Variants in STX6 observed in about 807,000 individuals in gnomAD.
The protein encoded by STX6 is syntaxin-6.
In STX6, 23 loss-of-function variants were observed where a neutral mutation model predicts 38.0. The ratio of observed to expected loss-of-function variants is 0.60; its 90% CI spans 0.43 to 0.86. The LOEUF (loss-of-function observed/expected upper bound fraction) is 0.86. STX6 is among the 40% of genes least tolerant of loss of function. STX6 has a pLI of 0.00. For missense variants in STX6, 274 were observed against 312.9 expected (o/e 0.88, Z 0.94); for synonymous variants, 123 against 107.5 (o/e 1.14, Z -0.89).
intron 7 of STX6, among the ~76,000 whole-genome samples, chr1:180,984,319 G>A (rs1299719051): frequency 1.3e-5 from 2 of 152,066 alleles, no homozygotes; most frequent in Non-Finnish European, 2.9e-5. Context: ...GCTGACACGG[G>A]CGGATCACCT....
intron 7 of STX6, among the ~76,000 whole-genome samples, chr1:180,976,871 C>G (rs1214187227): frequency 6.6e-6 from 1 of 152,132 alleles, no homozygotes; most frequent in Non-Finnish European, 1.5e-5. Flanking sequence ...GAAAATGTCT[C>G]GTAATAATTA....
At chr1:181,010,404 C>T (rs764383177) in intron 1 of STX6, among the ~76,000 whole-genome samples, 2 of 152,154 alleles carry the variant, frequency 1.3e-5, no homozygotes, top group South Asian at 2.1e-4. Context: ...CGGGTTCAAT[C>T]GATTCTCCTG....
At chr1:180,981,416 G>A (rs1444914512) in intron 7 of STX6, among the ~76,000 whole-genome samples, 2 of 152,082 alleles carry the variant, frequency 1.3e-5, no homozygotes, top group African/African-American at 2.4e-5. Context: ...GATTAGTTGC[G>A]ATTCTTTCAG....
intron 1 of STX6, among the ~76,000 whole-genome samples, chr1:181,010,506 T>A (rs919462880): frequency 5.9e-5 from 9 of 152,154 alleles, no homozygotes; most frequent in African/African-American, 2.2e-4. Flanking sequence ...TTCACTATGT[T>A]GGCCAGGCTG....
chr1:180,985,159 G>A (rs534958895), intron 6 of STX6, among the ~76,000 whole-genome samples: 3 of 151,978 alleles, frequency 2.0e-5, no homozygotes, highest in South Asian at 2.1e-4. Context: ...AAAAAACAAC[G>A]AGATTTCTTT....
At chr1:181,009,852 T>TA (rs1656342548) in intron 1 of STX6, among the ~76,000 whole-genome samples, 1 of 152,222 alleles carries the variant, frequency 6.6e-6, no homozygotes, top group Non-Finnish European at 1.5e-5. Flanking sequence ...AATGAGTGGA[T>TA]AAACTGTAGT....
At chr1:181,004,977 T>C (rs1656184697) in intron 2 of STX6, among the ~76,000 whole-genome samples, 1 of 150,936 alleles carries the variant, frequency 6.6e-6, no homozygotes, top group Non-Finnish European at 1.5e-5. Flanking sequence ...TTTTTTTTTT[T>C]TCCCTTTACA....
At chr1:181,009,117 A>T (rs1043098760) in intron 1 of STX6, among the ~76,000 whole-genome samples, 2 of 152,210 alleles carry the variant, frequency 1.3e-5, no homozygotes, top group African/African-American at 4.8e-5. Flanking sequence ...ATATCTGATT[A>T]ATGACATATC....
chr1:180,979,316 T>A lies in STX6; in HGVS notation c.692-2670A>T, dbSNP rs116067545. 9.5e-3 allele frequency among the ~76,000 whole-genome samples: 1,449 copies of A among 152,096 alleles called. 25 individuals are homozygous for A. Among genetic ancestry groups the A allele is most frequent in the African/African-American group, 0.033 (1,373 of 41,480 alleles). On this transcript the variant is annotated intron_variant, in intron 7 of 7. Coordinates refer to ENST00000258301, the MANE Select transcript of STX6 (RefSeq NM_005819.6). ...AACAACTATAAGACTTACCATAACA[T>A]CAATCAAGATAATGTAGTATTAGGA...
At chr1:181,022,558 C>G in intron 1 of STX6, 81 bp downstream of exon 1, 1 of 1,455,902 alleles carries the variant, frequency 6.9e-7, no homozygotes, top group Non-Finnish European at 9.4e-7. Flanking sequence ...CTCCCCTCCC[C>G]CCACTGCGAG....
At chr1:180,980,068 G>A (rs776197137) in intron 7 of STX6, among the ~76,000 whole-genome samples, 7 of 152,062 alleles carry the variant, frequency 4.6e-5, no homozygotes, top group African/African-American at 1.2e-4. Context: ...TTAGCTGGGC[G>A]TGGTGGCGCA....
rs944812265 is a variant in STX6 at position 180,976,480 on chromosome 1, T to C, written c.*90A>G. On this transcript the variant is annotated 3_prime_UTR_variant, in exon 8 of 8. Transcript: ENST00000258301. Reference sequence around the variant, plus strand: ...CAGCAGTATGTTTCCAGGATAGGAATGTGAGTAGACGGCAATGTCACACGT... The same window carrying C: ...CAGCAGTATGTTTCCAGGATAGGAACGTGAGTAGACGGCAATGTCACACGT... 3.6e-6 allele frequency: 4 copies of C among 1,109,388 alleles called. No homozygotes were observed. The highest frequency in any genetic ancestry group is 4.7e-5 in the East Asian group (2 of 42,544). 68.7% of individuals were successfully genotyped at this position (1,109,388 alleles called of 1,614,324 possible). A position where few individuals can be genotyped will look rare whatever the true frequency, so the allele number is the denominator to read the frequency against.
At chr1:180,997,867 A>C (rs565878100) in intron 3 of STX6, among the ~76,000 whole-genome samples, 1 of 152,380 alleles carries the variant, frequency 6.6e-6, no homozygotes, top group South Asian at 2.1e-4. Context: ...ATGGCTGTGA[A>C]AAATAAAATT....
chr1:181,014,298 G>A (rs1335428832), intron 1 of STX6, among the ~76,000 whole-genome samples: 2 of 151,888 alleles, frequency 1.3e-5, no homozygotes, highest in Non-Finnish European at 1.5e-5. Context: ...GAAGGCTGAG[G>A]CAGAAGAATC....
chr1:180,988,438 T>G (rs1655654709), intron 5 of STX6, 93 bp from the exon 6 acceptor site: 9 of 934,586 alleles, frequency 9.6e-6, no homozygotes, highest in Non-Finnish European at 1.5e-5. Flanking sequence ...CTTTGCCAAC[T>G]TGGGACAATT....
intron 3 of STX6, among the ~76,000 whole-genome samples, chr1:180,997,981 CA>C (rs1365889984): frequency 6.6e-6 from 1 of 152,142 alleles, no homozygotes; most frequent in African/African-American, 2.4e-5. Flanking sequence ...ATACCAAGTA[CA>C]GATTATTTTT....
chr1:181,020,512 T>C (rs1250993173), intron 1 of STX6, among the ~76,000 whole-genome samples: 4 of 152,160 alleles, frequency 2.6e-5, no homozygotes, highest in Non-Finnish European at 5.9e-5. Flanking sequence ...AATGATCCAA[T>C]AGATCCCAGG....
chr1:181,022,718 G>A lies in STX6; in HGVS notation c.-45C>T. On this transcript the variant is annotated 5_prime_UTR_variant, in exon 1 of 8. Coordinates refer to ENST00000258301, the MANE Select transcript of STX6 (RefSeq NM_005819.6). ...CCTTCACCTCCTCCGCGCACAGGGC[G>A]CCCGTGCCTCCCGGTCTCCCTCCGC... 6.4e-7 allele frequency: 1 copy of A among 1,573,076 alleles called. No homozygotes were observed. The highest frequency in any genetic ancestry group is 8.6e-7 in the Non-Finnish European group (1 of 1,160,224).
chr1:181,012,671 T>G (rs1406927920), intron 1 of STX6, among the ~76,000 whole-genome samples: 3 of 131,316 alleles, frequency 2.3e-5, no homozygotes, highest in Non-Finnish European at 3.1e-5. Flanking sequence ...ATTCTTCCAT[T>G]CTTTTTTTTT....
Sources: gnomAD v4.1 joint callset for allele counts (sites outside exome capture counted in the v4.1 genomes callset) on GRCh38, gnomAD v4.1.1 for gene constraint, MANE v1.5 for transcripts, NCBI Gene and HGNC (gene_info 2026-07-23, HGNC 2026-07-21) for gene names.